MORC1: variants seen among roughly 807,000 people sequenced by gnomAD.
The protein encoded by MORC1 is MORC family CW-type zinc finger 1, also known as MORC family CW-type zinc finger protein 1.
A neutral mutation model predicts 134.9 loss-of-function variants in MORC1; 59 were observed. That is an observed-to-expected ratio of 0.44 (90% CI 0.35 to 0.54). The LOEUF is 0.54. Ranked by LOEUF, MORC1 falls within the 20% of genes least tolerant of loss-of-function variation. The pLI is 0.00. For missense variants in MORC1, 947 were observed against 1,134.5 expected (o/e 0.83, Z 2.37); for synonymous variants, 395 against 391.7 (o/e 1.01, Z -0.10).
intron 24 of MORC1, among the ~76,000 whole-genome samples, chr3:108,975,377 T>G (rs1171722470): frequency 1.3e-5 from 2 of 152,128 alleles, no homozygotes; most frequent in African/African-American, 2.4e-5. Context: ...AAAGTTACTT[T>G]CTTTTTAAAA....
rs959674770 is a variant in MORC1 at position 108,972,880 on chromosome 3, C to T, written c.2478-1478G>A. ...AAATCAGAAATCCCCTAAGAAAACG[C>T]TCTTAGACAAATAAATATTAGATGG... is the stretch of plus-strand genomic sequence containing the variant. On this transcript the variant is annotated intron_variant, in intron 24 of 27. Coordinates refer to ENST00000232603, the MANE Select transcript of MORC1 (RefSeq NM_014429.4). Among the ~76,000 whole-genome samples the T allele has an allele frequency of 6.6e-5, 10 of 152,090 alleles. No homozygotes were observed. In the South Asian group the frequency reaches 1.7e-3, roughly 25 times the overall value.
intron 13 of MORC1, among the ~76,000 whole-genome samples, chr3:109,056,097 G>C (rs1486734028): frequency 6.6e-6 from 1 of 152,216 alleles, no homozygotes; most frequent in Non-Finnish European, 1.5e-5. Flanking sequence ...GAAATGCAGA[G>C]AGGGTAGGGT....
chr3:109,069,638 C>T lies in MORC1; in HGVS notation c.809G>A (p.Arg270Lys), dbSNP rs1191315796. Residue 270 changes from arginine to lysine, a missense_variant, in exon 9 of 28, where the codon AGA (arginine) becomes AAA (lysine). Transcript: ENST00000232603. ...CTGAAGAAAGATGAGTTACCTGGGT[C>T]TGTAGAGGCAATAGCAAAGATGTTT... ...KTKHLCYCLY[R>K]PRKYLYVTSS... 2 of 1,592,560 alleles carry T rather than the reference C, an allele frequency of 1.3e-6. No homozygotes were observed. The highest frequency in any genetic ancestry group is 1.3e-5 in the African/African-American group (1 of 74,494).
At chr3:108,968,288 C>T (rs1299116635) in intron 26 of MORC1, among the ~76,000 whole-genome samples, 2 of 152,130 alleles carry the variant, frequency 1.3e-5, no homozygotes, top group African/African-American at 2.4e-5. Flanking sequence ...TAATGGGAGA[C>T]CAATAATTAC....
At chr3:109,107,258 T>C (rs1460239187) in intron 3 of MORC1, among the ~76,000 whole-genome samples, 4 of 152,188 alleles carry the variant, frequency 2.6e-5, no homozygotes, top group Non-Finnish European at 5.9e-5. Context: ...ATCTCTGTTT[T>C]TGTACCTTTG....
chr3:109,097,098 G>A (rs35133966), intron 6 of MORC1, among the ~76,000 whole-genome samples: 69 of 152,238 alleles, frequency 4.5e-4, no homozygotes, highest in Admixed American at 7.8e-4. Context: ...CACAATGGGT[G>A]TAAATAGACC....
intron 20 of MORC1, among the ~76,000 whole-genome samples, chr3:109,003,425 ACACACG>A: frequency 6.6e-6 from 1 of 150,796 alleles, no homozygotes; most frequent in African/African-American, 2.4e-5. Flanking sequence ...ACACACACAC[ACACACG>A]CATGCATACT....
At chr3:109,067,464 T>C (rs909458226) in intron 9 of MORC1, among the ~76,000 whole-genome samples, 1 of 152,164 alleles carries the variant, frequency 6.6e-6, no homozygotes, top group African/African-American at 2.4e-5. Flanking sequence ...TATACTCGAA[T>C]GGGAAGCAGC....
At chr3:109,007,997 G>A (rs561628124) in intron 17 of MORC1, among the ~76,000 whole-genome samples, 294 of 151,898 alleles carry the variant, frequency 1.9e-3, no homozygotes, top group African/African-American at 6.6e-3. Context: ...CCCACTTTTT[G>A]TGGTAGGGAA....
At chr3:108,997,250 A>G (rs549887214) in intron 21 of MORC1, among the ~76,000 whole-genome samples, 1 of 152,128 alleles carries the variant, frequency 6.6e-6, no homozygotes, top group South Asian at 2.1e-4. Context: ...TTGCTTCAAC[A>G]AGGCTGGGCA....
intron 8 of MORC1, among the ~76,000 whole-genome samples, chr3:109,074,943 A>C (rs1489502010): frequency 6.6e-6 from 1 of 152,162 alleles, no homozygotes; most frequent in Non-Finnish European, 1.5e-5. Flanking sequence ...AGAATTTTGG[A>C]GACTGAAGAT....
At chr3:109,057,640 A>T (rs1032467689) in intron 12 of MORC1, among the ~76,000 whole-genome samples, 154 bp from the exon 13 acceptor site, 11 of 152,232 alleles carry the variant, frequency 7.2e-5, no homozygotes, top group African/African-American at 2.4e-4. Flanking sequence ...GTCTCTGTAT[A>T]GCCAAGTATT....
intron 1 of MORC1, 30 bp from the exon 2 acceptor site, chr3:109,114,467 G>A (rs953250473): frequency 5.1e-6 from 8 of 1,582,932 alleles, no homozygotes; most frequent in Non-Finnish European, 6.9e-6. Context: ...AAAACAAAAA[G>A]TTAAACCAGG....
At chr3:109,082,541 CA>C (rs906433626) in intron 8 of MORC1, among the ~76,000 whole-genome samples, 4 of 151,670 alleles carry the variant, frequency 2.6e-5, no homozygotes, top group African/African-American at 9.7e-5. Context: ...CAAAGTAACA[CA>C]AAAAAGTAAT....
chr3:108,972,140 G>A (rs548331609), intron 24 of MORC1, among the ~76,000 whole-genome samples: 2 of 152,254 alleles, frequency 1.3e-5, no homozygotes, highest in South Asian at 4.1e-4. Context: ...CCATTGTTCT[G>A]ACAGGTGCTT....
At chr3:109,116,986 G>A (rs146761900) in intron 1 of MORC1, among the ~76,000 whole-genome samples, 209 of 152,232 alleles carry the variant, frequency 1.4e-3, no homozygotes, top group African/African-American at 3.7e-3. Context: ...TGAGGCTGAG[G>A]AATTTTTCTG....
intron 5 of MORC1, among the ~76,000 whole-genome samples, chr3:109,100,160 T>C (rs924629620): frequency 2.0e-5 from 3 of 152,020 alleles, no homozygotes; most frequent in Admixed American, 6.6e-5. Flanking sequence ...GGAGAATCAC[T>C]TGAACCCAGG....
intron 17 of MORC1, among the ~76,000 whole-genome samples, chr3:109,021,561 G>C (rs891313641): frequency 6.6e-6 from 1 of 152,204 alleles, no homozygotes. Flanking sequence ...GTGAAACCCA[G>C]GAGTAGACAA....
chr3:109,011,461 C>T (rs1559891510), intron 17 of MORC1, among the ~76,000 whole-genome samples: 1 of 151,746 alleles, frequency 6.6e-6, no homozygotes, highest in Non-Finnish European at 1.5e-5. Context: ...TGATTAAGTA[C>T]CTGCTTAAAT....
Sources: gnomAD v4.1 joint callset for allele counts (sites outside exome capture counted in the v4.1 genomes callset) on GRCh38, gnomAD v4.1.1 for gene constraint, MANE v1.5 for transcripts, NCBI Gene and HGNC (gene_info 2026-07-23, HGNC 2026-07-21) for gene names.